The following WDR70 variants were observed in gnomAD, a reference collection of about 807,000 sequenced individuals.
The protein encoded by WDR70 is WD repeat-containing protein 70.
In WDR70, 53 loss-of-function variants were observed where a neutral mutation model predicts 88.6. That is an observed-to-expected ratio of 0.60 (90% confidence interval 0.48 to 0.75). WDR70 has a LOEUF of 0.75. Among genes scored for constraint, WDR70 ranks in the 30% least tolerant of loss-of-function variants. WDR70 has a pLI of 0.00. For missense variants in WDR70, 610 were observed against 823.2 expected (o/e 0.74, Z 3.17); for synonymous variants, 280 against 270.0 (o/e 1.04, Z -0.36).
chr5:37,660,733 C>T (rs780032173), intron 10 of WDR70, among the ~76,000 whole-genome samples: 2 of 152,112 alleles, frequency 1.3e-5, no homozygotes, highest in Non-Finnish European at 2.9e-5. Context: ...TTTAAAATCT[C>T]ATATAACAAC....
At chr5:37,433,829 C>T (rs538715455) in intron 5 of WDR70, among the ~76,000 whole-genome samples, 1 of 152,288 alleles carries the variant, frequency 6.6e-6, no homozygotes, top group East Asian at 1.9e-4. Flanking sequence ...TTTTCATTTG[C>T]CCATTTGTTT....
intron 9 of WDR70, among the ~76,000 whole-genome samples, chr5:37,557,120 A>G (rs1263217055): frequency 2.0e-5 from 3 of 152,098 alleles, no homozygotes; most frequent in East Asian, 1.9e-4. Flanking sequence ...AATTAACTCT[A>G]TCTGGTGGTA....
chr5:37,702,276 A>G (rs560873821), intron 12 of WDR70, among the ~76,000 whole-genome samples: 18 of 152,350 alleles, frequency 1.2e-4, no homozygotes, highest in African/African-American at 3.8e-4. Flanking sequence ...AATGCTAACT[A>G]TATAACTTCT....
At chr5:37,694,215 T>C (rs1746909534) in intron 10 of WDR70, among the ~76,000 whole-genome samples, 3 of 152,138 alleles carry the variant, frequency 2.0e-5, no homozygotes, top group South Asian at 4.1e-4. Flanking sequence ...CTGGAGAGGA[T>C]GTGGAGAAAT....
chr5:37,414,917 G>A (rs1344314120), intron 5 of WDR70, among the ~76,000 whole-genome samples: 1 of 138,290 alleles, frequency 7.2e-6, no homozygotes, highest in African/African-American at 3.5e-5. Context: ...TTCCTAGGCA[G>A]AGGACCCTGC....
At chr5:37,522,345 C>T (rs1344096834) in intron 9 of WDR70, among the ~76,000 whole-genome samples, 2 of 151,852 alleles carry the variant, frequency 1.3e-5, no homozygotes, top group Non-Finnish European at 2.9e-5. Flanking sequence ...GTGGCATGCG[C>T]CTATAGTCCC....
At chr5:37,574,220 A>G (rs1041129650) in intron 9 of WDR70, among the ~76,000 whole-genome samples, 5 of 152,128 alleles carry the variant, frequency 3.3e-5, no homozygotes, top group African/African-American at 9.7e-5. Context: ...GCCAGGTCAT[A>G]CTACCCACAG....
chr5:37,397,291 G>A (rs1206272569), intron 5 of WDR70, among the ~76,000 whole-genome samples: 2 of 151,984 alleles, frequency 1.3e-5, no homozygotes, highest in Admixed American at 6.6e-5. Flanking sequence ...AGAAATCAAT[G>A]GATAAAACAT....
chr5:37,482,522 G>T (rs1349458918), intron 8 of WDR70, among the ~76,000 whole-genome samples: 1 of 152,122 alleles, frequency 6.6e-6, no homozygotes. Context: ...AGTATGGGGG[G>T]AACCGTCCCC....
intron 8 of WDR70, among the ~76,000 whole-genome samples, chr5:37,514,583 C>T (rs2112252371): frequency 6.6e-6 from 1 of 151,656 alleles, no homozygotes; most frequent in Non-Finnish European, 1.5e-5. Context: ...TCGTGCTGTT[C>T]CCCCGACAGT....
At position 37,415,766 on chromosome 5, in the gene WDR70, C is replaced by T. The variant is rs1235121785; in HGVS notation, c.492+19196C>T. Among the ~76,000 whole-genome samples, 35 of 147,732 alleles carry T rather than the reference C, an allele frequency of 2.4e-4. No individual in the cohort carries two copies. The South Asian group carries it at 6.8e-3, about 29-fold the overall frequency. On this transcript the variant is annotated intron_variant, in intron 5 of 17. Transcript: ENST00000265107. ...CTCACTTCTCAGACGGGGCGGCTGCCGGGCGGAGGGTCTCCTCACTTCTCA... is the reference window on the plus strand; with the variant it reads ...CTCACTTCTCAGACGGGGCGGCTGCTGGGCGGAGGGTCTCCTCACTTCTCA...
At position 37,663,504 on chromosome 5, in the gene WDR70, C is replaced by A. The variant is rs1414417412; in HGVS notation, c.1093-34151C>A. Among the ~76,000 whole-genome samples the A allele has an allele frequency of 2.0e-5, 3 of 152,034 alleles. No homozygotes were observed. In the East Asian group the frequency reaches 5.8e-4, roughly 29 times the overall value. On this transcript the variant is annotated intron_variant, in intron 10 of 17. Coordinates refer to ENST00000265107, the MANE Select transcript of WDR70 (RefSeq NM_018034.4). Reference sequence around the variant, plus strand: ...ATTCCAGATTTATGATTTTTATTTTCTTTTGGGCCTTCCTGGCCTTGGCAG... The same window carrying A: ...ATTCCAGATTTATGATTTTTATTTTATTTTGGGCCTTCCTGGCCTTGGCAG...
intron 9 of WDR70, among the ~76,000 whole-genome samples, chr5:37,560,191 T>C (rs899183290): frequency 6.6e-6 from 1 of 152,172 alleles, no homozygotes; most frequent in South Asian, 2.1e-4. Flanking sequence ...GAGAGAGAGA[T>C]AGACACTACT....
rs193235685 is a variant in WDR70 at position 37,493,406 on chromosome 5, A to G, written c.840+13419A>G. On this transcript the variant is annotated intron_variant, in intron 8 of 17. Coordinates refer to ENST00000265107, the MANE Select transcript of WDR70 (RefSeq NM_018034.4). Reference sequence around the variant, plus strand: ...TCATGTTGCATCTAATGGAGATTGCACATAGGGTCTAGAAAGCTAAGAGTA... The same window carrying G: ...TCATGTTGCATCTAATGGAGATTGCGCATAGGGTCTAGAAAGCTAAGAGTA... Among the ~76,000 whole-genome samples the G allele has an allele frequency of 1.8e-3, 269 of 152,366 alleles. 2 individuals are homozygous for G. The highest frequency in any genetic ancestry group is 6.1e-3 in the African/African-American group (253 of 41,588).
chr5:37,556,285 C>T (rs1046217706), intron 9 of WDR70, among the ~76,000 whole-genome samples: 3 of 151,978 alleles, frequency 2.0e-5, no homozygotes, highest in South Asian at 2.1e-4. Context: ...TGACCAATTC[C>T]GTGGTAGCTA....
intron 10 of WDR70, among the ~76,000 whole-genome samples, chr5:37,632,381 TC>T (rs1277843021): frequency 6.6e-6 from 1 of 152,172 alleles, no homozygotes; most frequent in Non-Finnish European, 1.5e-5. Flanking sequence ...ATCCTCAGGT[TC>T]TTCAGGAAAT....
chr5:37,688,251 G>A (rs1040031889), intron 10 of WDR70, among the ~76,000 whole-genome samples: 1 of 152,156 alleles, frequency 6.6e-6, no homozygotes, highest in Non-Finnish European at 1.5e-5. Flanking sequence ...GAAGACAGAA[G>A]TGTGAACCAG....
chr5:37,688,089 A>G (rs1448544676), intron 10 of WDR70: 2 of 469,456 alleles, frequency 4.3e-6, no homozygotes, highest in African/African-American at 2.0e-5. Flanking sequence ...TCAAATATCG[A>G]CATTCAAGAT....
intron 9 of WDR70, among the ~76,000 whole-genome samples, chr5:37,583,359 T>C (rs1006308288): frequency 1.3e-5 from 2 of 150,272 alleles, no homozygotes; most frequent in African/African-American, 4.9e-5. Flanking sequence ...AGGCAGAGCT[T>C]GCAGTGAGCC....
Sources: allele counts gnomAD v4.1 joint callset (sites outside exome capture counted in the v4.1 genomes callset), GRCh38; gene constraint gnomAD v4.1.1; transcripts MANE v1.5; gene names NCBI Gene and HGNC (gene_info 2026-07-23, HGNC 2026-07-21).